The following TCF4 variants were observed in gnomAD, a reference collection of about 807,000 sequenced individuals.
TCF4 encodes SL3-3 enhancer factor 2.
Under a neutral mutation model 82.1 loss-of-function variants are expected in TCF4, and 3 were observed. The ratio of observed to expected loss-of-function variants is 0.04; its 90% CI spans 0.02 to 0.09. The LOEUF (loss-of-function observed/expected upper bound fraction) is 0.09. TCF4 is among the 10% of genes least tolerant of loss of function. The probability of loss-of-function intolerance (pLI) is 1.00; values close to 1 mark genes in which losing one functional copy is unlikely to be tolerated. For synonymous variants in TCF4, 276 were observed against 309.6 expected, an observed-to-expected ratio of 0.89 and a Z score of 1.14; for missense variants, 518 against 852.7, an observed-to-expected ratio of 0.61 and a Z score of 4.89.
At chr18:55,497,680 C>T (rs1278858400) in intron 3 of TCF4, among the ~76,000 whole-genome samples, 3 of 152,048 alleles carry the variant, frequency 2.0e-5, no homozygotes, top group Admixed American at 2.0e-4. Flanking sequence ...TGTTTGAGTT[C>T]ATGTAAAGCT....
intron 2 of TCF4, among the ~76,000 whole-genome samples, chr18:55,618,045 T>G (rs542421518): frequency 8.5e-5 from 13 of 152,298 alleles, no homozygotes; most frequent in African/African-American, 3.1e-4. Flanking sequence ...GGAAAAGTTT[T>G]CAGTTATTCG....
At chr18:55,635,579 A>G in intron 1 of TCF4, 1 of 1,230,044 alleles carries the variant, frequency 8.1e-7, no homozygotes, top group Non-Finnish European at 1.1e-6. Flanking sequence ...TGCTGTGGAG[A>G]TGTCAGGGAG....
chr18:55,470,549 T>C (rs2096151898), intron 3 of TCF4, among the ~76,000 whole-genome samples: 1 of 152,220 alleles, frequency 6.6e-6, no homozygotes, highest in South Asian at 2.1e-4. Context: ...TTATGTATGC[T>C]GATCAGAGTC....
intron 8 of TCF4, among the ~76,000 whole-genome samples, chr18:55,290,902 T>C (rs1474500019): frequency 6.6e-6 from 1 of 152,204 alleles, no homozygotes; most frequent in Non-Finnish European, 1.5e-5. Flanking sequence ...TAGGTACTTC[T>C]CTAGATATAT....
At chr18:55,520,278 T>C (rs1357842971) in intron 3 of TCF4, among the ~76,000 whole-genome samples, 4 of 152,120 alleles carry the variant, frequency 2.6e-5, no homozygotes, top group Admixed American at 1.3e-4. Flanking sequence ...TAAAGTACTG[T>C]AAAATAAAGC....
At chr18:55,593,515 C>T (rs1184684274), upstream of TCF4, among the ~76,000 whole-genome samples, 1 of 152,118 alleles carries the variant, frequency 6.6e-6, no homozygotes, top group East Asian at 1.9e-4. Context: ...GGTACTTGGT[C>T]TAAAGCCCTC....
intron 6 of TCF4, among the ~76,000 whole-genome samples, chr18:55,369,184 A>C (rs1299950432): frequency 1.3e-5 from 2 of 152,226 alleles, no homozygotes; most frequent in East Asian, 3.8e-4. Flanking sequence ...GAATAAGTAC[A>C]AAAAGTTTGA....
At chr18:55,329,272 A>G (rs1002710919) in intron 8 of TCF4, among the ~76,000 whole-genome samples, 3 of 152,130 alleles carry the variant, frequency 2.0e-5, no homozygotes, top group African/African-American at 7.2e-5. Context: ...ACTCAAAATA[A>G]ACTTGAATTT....
chr18:55,580,018 T>G (rs2097561638), intron 3 of TCF4, among the ~76,000 whole-genome samples: 1 of 152,050 alleles, frequency 6.6e-6, no homozygotes, highest in Non-Finnish European at 1.5e-5. Flanking sequence ...CATCTGTTAT[T>G]TAAGTGATTT....
chr18:55,460,560 CTGATT>C (rs1303152837), intron 5 of TCF4, among the ~76,000 whole-genome samples: 3 of 152,178 alleles, frequency 2.0e-5, no homozygotes, highest in Admixed American at 6.6e-5. Flanking sequence ...ATGCACTACT[CTGATT>C]TAAGCACACT....
intron 2 of TCF4, among the ~76,000 whole-genome samples, chr18:55,608,704 T>C (rs1034351130): frequency 6.6e-6 from 1 of 152,148 alleles, no homozygotes; most frequent in African/African-American, 2.4e-5. Flanking sequence ...CTTTTGAATA[T>C]AAGCTCCCAA....
chr18:55,399,113 T>C (rs1362951577), intron 6 of TCF4, among the ~76,000 whole-genome samples: 1 of 152,234 alleles, frequency 6.6e-6, no homozygotes, highest in East Asian at 1.9e-4. Context: ...ATCCTTTCTA[T>C]TTTGACTTTA....
chr18:55,295,939 G>T (rs892450875), intron 8 of TCF4, among the ~76,000 whole-genome samples: 1 of 152,014 alleles, frequency 6.6e-6, no homozygotes, highest in Non-Finnish European at 1.5e-5. Flanking sequence ...TGCATTATCA[G>T]TCTAGGTTTT....
At chr18:55,515,418 T>C (rs1366953482) in intron 3 of TCF4, among the ~76,000 whole-genome samples, 3 of 152,106 alleles carry the variant, frequency 2.0e-5, no homozygotes, top group African/African-American at 7.2e-5. Flanking sequence ...CTCCAAAAAC[T>C]ACAGTTCCGT....
At chr18:55,280,768 AT>A (rs1321372016) in intron 8 of TCF4, among the ~76,000 whole-genome samples, 1 of 152,098 alleles carries the variant, frequency 6.6e-6, no homozygotes, top group Non-Finnish European at 1.5e-5. Flanking sequence ...TTACCAAAAA[AT>A]AACTCTCATT....
At chr18:55,458,588 A>G (rs1244253761) in intron 5 of TCF4, among the ~76,000 whole-genome samples, 13 of 152,202 alleles carry the variant, frequency 8.5e-5, no homozygotes, top group Non-Finnish European at 1.8e-4. Flanking sequence ...AACACCAAAT[A>G]TGGCTCATCT....
intron 3 of TCF4, among the ~76,000 whole-genome samples, chr18:55,512,675 T>C (rs1024962179): frequency 6.6e-6 from 1 of 152,072 alleles, no homozygotes; most frequent in Admixed American, 6.6e-5. Flanking sequence ...GAGTGGTATA[T>C]ATAGATGAGC....
intron 8 of TCF4, among the ~76,000 whole-genome samples, chr18:55,287,490 A>C (rs918384466): frequency 1.3e-5 from 2 of 152,194 alleles, no homozygotes; most frequent in Admixed American, 6.5e-5. Flanking sequence ...TAAGAATTTC[A>C]GTCCCCTTCC....
chr18:55,535,986 G>A (rs1489118723), intron 3 of TCF4, among the ~76,000 whole-genome samples: 2 of 152,134 alleles, frequency 1.3e-5, no homozygotes, highest in Non-Finnish European at 2.9e-5. Flanking sequence ...AAAGAACAGT[G>A]TTTCCACATT....
Sources: gnomAD v4.1 joint callset for allele counts (sites outside exome capture counted in the v4.1 genomes callset) on GRCh38, gnomAD v4.1.1 for gene constraint, MANE v1.5 for transcripts, NCBI Gene and HGNC (gene_info 2026-07-23, HGNC 2026-07-21) for gene names.